The following CYRIB variants were observed in gnomAD, a reference collection of about 807,000 sequenced individuals.
CYRIB encodes CYFIP-related Rac1 interactor B.
CYRIB carries 8 observed loss-of-function variants against 44.2 expected under a neutral mutation model. The ratio of observed to expected loss-of-function variants is 0.18; its 90% confidence interval spans 0.11 to 0.33. The LOEUF is 0.33. Among genes scored for constraint, CYRIB ranks in the 10% least tolerant of loss-of-function variants. The pLI is 1.00. For missense variants in CYRIB, 185 were observed against 382.8 expected (o/e 0.48, Z 4.31); for synonymous variants, 131 against 127.2 (o/e 1.03, Z -0.20).
At chr8:129,876,714 A>G (rs1211431996) in intron 3 of CYRIB, among the ~76,000 whole-genome samples, 1 of 151,852 alleles carries the variant, frequency 6.6e-6, no homozygotes, top group South Asian at 2.1e-4. Context: ...TTCTGTAGTC[A>G]CCCAACTGCA....
chr8:129,960,415 C>T (rs941581242), intron 2 of CYRIB, among the ~76,000 whole-genome samples: 8 of 150,692 alleles, frequency 5.3e-5, no homozygotes, highest in African/African-American at 1.2e-4. Context: ...GCCAACATGG[C>T]GAAACCCCGC....
chr8:129,966,758 C>T (rs767680773), intron 2 of CYRIB, among the ~76,000 whole-genome samples: 5 of 152,086 alleles, frequency 3.3e-5, no homozygotes, highest in Admixed American at 6.5e-5. Flanking sequence ...GGCTGGAGTG[C>T]AGAGGACCAA....
At chr8:129,918,161 T>C (rs530588271) in intron 1 of CYRIB, among the ~76,000 whole-genome samples, 53 of 152,296 alleles carry the variant, frequency 3.5e-4, no homozygotes, top group Middle Eastern at 3.4e-3. Context: ...CAGATTCTTA[T>C]TCACCAAGCC....
At chr8:129,947,841 A>G (rs1213350751) in intron 2 of CYRIB, 1 of 152,212 alleles carries the variant, frequency 6.6e-6, no homozygotes, top group Non-Finnish European at 1.5e-5. Context: ...ACCTTTCTTA[A>G]TAAAGGAACG....
At chr8:129,938,002 A>G (rs1287216633) in intron 1 of CYRIB, among the ~76,000 whole-genome samples, 1 of 152,114 alleles carries the variant, frequency 6.6e-6, no homozygotes, top group Non-Finnish European at 1.5e-5. Flanking sequence ...CCAAAAACGA[A>G]GCTGTTAGAA....
At chr8:129,951,551 A>G (rs2094502851) in intron 2 of CYRIB, among the ~76,000 whole-genome samples, 2 of 151,738 alleles carry the variant, frequency 1.3e-5, no homozygotes, top group South Asian at 4.2e-4. Flanking sequence ...CTAAAAATAC[A>G]AAAAATTAGC....
intron 1 of CYRIB, among the ~76,000 whole-genome samples, chr8:129,907,822 C>A (rs369128840): frequency 6.6e-6 from 1 of 151,886 alleles, no homozygotes; most frequent in Non-Finnish European, 1.5e-5. Context: ...GCCAACATGG[C>A]GAAACCCCAT....
At chr8:129,985,062 G>A (rs556954383) in intron 1 of CYRIB, among the ~76,000 whole-genome samples, 26 of 152,250 alleles carry the variant, frequency 1.7e-4, no homozygotes, top group African/African-American at 6.3e-4. Flanking sequence ...GAGCCACCAC[G>A]CCCCACCCAA....
At position 129,850,828 on chromosome 8, in the gene CYRIB, TACTC is replaced by T; in HGVS notation, c.713+3_713+6del. ...TGTTAAAGTGAAAAAGATCAGCTGA[TACTC>T]ACGGTGTTTCCAGCATGACTCTGCA... On this transcript the variant is annotated splice_donor_5th_base_variant and intron_variant, in intron 9 of 11. Transcript: ENST00000519824. 3 of 1,602,622 alleles carry T rather than the reference TACTC, an allele frequency of 1.9e-6. No individual in the cohort carries two copies. Among genetic ancestry groups the T allele is most frequent in the Non-Finnish European group, 2.6e-6 (3 of 1,170,414 alleles).
chr8:129,872,418 T>C (rs1303899592), intron 3 of CYRIB, among the ~76,000 whole-genome samples: 2 of 152,122 alleles, frequency 1.3e-5, no homozygotes, highest in African/African-American at 4.8e-5. Context: ...AATGACTAAA[T>C]CTGGATTTCT....
chr8:129,992,475 A>G (rs1411887297), intron 1 of CYRIB, among the ~76,000 whole-genome samples: 1 of 152,158 alleles, frequency 6.6e-6, no homozygotes, highest in Non-Finnish European at 1.5e-5. Flanking sequence ...TTCAGCCATC[A>G]TTATTATGAG....
intron 2 of CYRIB, among the ~76,000 whole-genome samples, chr8:129,883,192 A>T (rs185877726): frequency 6.6e-5 from 10 of 151,344 alleles, no homozygotes; most frequent in African/African-American, 2.4e-4. Flanking sequence ...AGCACTACTA[A>T]CATTTTGGGC....
At chr8:129,865,293 A>G (rs1207665306) in intron 4 of CYRIB, among the ~76,000 whole-genome samples, 1 of 152,226 alleles carries the variant, frequency 6.6e-6, no homozygotes, top group Non-Finnish European at 1.5e-5. Context: ...TTCTTTAACT[A>G]GCTCTGCAGA....
intron 2 of CYRIB, among the ~76,000 whole-genome samples, chr8:129,893,344 G>C (rs903006852): frequency 6.6e-6 from 1 of 152,120 alleles, no homozygotes; most frequent in East Asian, 1.9e-4. Flanking sequence ...TCACAGACAA[G>C]TGGAAGAGAC....
chr8:129,957,220 C>T (rs958787322), intron 2 of CYRIB, among the ~76,000 whole-genome samples: 3 of 152,160 alleles, frequency 2.0e-5, no homozygotes, highest in African/African-American at 7.2e-5. Flanking sequence ...CTACTTCATA[C>T]CTTTCCCCAA....
chr8:129,896,325 ATAATC>A (rs2068024973), intron 2 of CYRIB, among the ~76,000 whole-genome samples: 1 of 152,374 alleles, frequency 6.6e-6, no homozygotes, highest in South Asian at 2.1e-4. Context: ...AGTTTATGGA[ATAATC>A]CCTTAGTCTT....
At chr8:129,985,603 A>G (rs1453827175) in intron 1 of CYRIB, among the ~76,000 whole-genome samples, 1 of 152,090 alleles carries the variant, frequency 6.6e-6, no homozygotes, top group East Asian at 1.9e-4. Context: ...TTAAAATCAA[A>G]TATTTGCACA....
chr8:129,996,811 A>AT lies in CYRIB; in HGVS notation c.-296+19558dup, dbSNP rs545129103. ...GTATTCTGTACCCTCCCTCCGGGGT[A>AT]TTTTTTTTAAGATACCCTGAAGATA... is the stretch of plus-strand genomic sequence containing the variant. On this transcript the variant is annotated intron_variant, in intron 1 of 14. Transcript: ENST00000401979. Among the ~76,000 whole-genome samples the AT allele has an allele frequency of 6.6e-5, 10 of 151,902 alleles. No individual in the cohort carries two copies. The East Asian group carries it at 1.4e-3, about 21-fold the overall frequency.
intron 11 of CYRIB, among the ~76,000 whole-genome samples, chr8:129,845,943 A>G (rs1486754137): frequency 6.6e-6 from 1 of 152,166 alleles, no homozygotes; most frequent in Non-Finnish European, 1.5e-5. Context: ...CAGGAGTTTG[A>G]GACCAGCCTG....
Sources: gnomAD v4.1 joint callset for allele counts (sites outside exome capture counted in the v4.1 genomes callset) on GRCh38, gnomAD v4.1.1 for gene constraint, MANE v1.5 for transcripts, NCBI Gene and HGNC (gene_info 2026-07-23, HGNC 2026-07-21) for gene names.